ZC3H12B: variants seen among roughly 807,000 people sequenced by gnomAD.
The protein encoded by ZC3H12B is zinc finger CCCH-type containing 12B, also known as probable ribonuclease ZC3H12B.
ZC3H12B carries 7 observed loss-of-function variants against 43.9 expected under a neutral mutation model. That is an observed-to-expected ratio of 0.16 (90% confidence interval 0.09 to 0.30). The LOEUF (loss-of-function observed/expected upper bound fraction) is 0.30. ZC3H12B is among the 10% of genes least tolerant of loss of function. The probability of loss-of-function intolerance (pLI) is 1.00; values close to 1 mark genes in which losing one functional copy is unlikely to be tolerated. For missense variants in ZC3H12B, 475 were observed against 670.2 expected, an observed-to-expected ratio of 0.71 and a Z score of 3.22; for synonymous variants, 222 against 241.7, an observed-to-expected ratio of 0.92 and a Z score of 0.76.
the ZC3H12B span, among the ~76,000 whole-genome samples, chrX:65,211,310 C>A: frequency 3.7e-5 from 4 of 108,300 alleles, no homozygotes; most frequent in Admixed American, 1.0e-4. Flanking sequence ...TTCTTGTAAC[C>A]AAAAACCACC....
the ZC3H12B span, among the ~76,000 whole-genome samples, chrX:65,108,358 A>G: frequency 1.8e-5 from 2 of 111,504 alleles, no homozygotes; most frequent in Non-Finnish European, 3.8e-5. Context: ...TAGCTATACA[A>G]TATATATTCT....
chrX:65,276,179 G>A, the ZC3H12B span, among the ~76,000 whole-genome samples: 7 of 111,536 alleles, frequency 6.3e-5, no homozygotes, highest in Non-Finnish European at 1.3e-4. Flanking sequence ...AAAGAATTAA[G>A]AAAGCCTACA....
chrX:65,314,086 T>C, the ZC3H12B span, among the ~76,000 whole-genome samples: 17 of 111,224 alleles, frequency 1.5e-4, no homozygotes, highest in African/African-American at 5.2e-4. Flanking sequence ...CTACCTTGGA[T>C]TTTGAAAATA....
chrX:65,161,648 A>C, the ZC3H12B span, among the ~76,000 whole-genome samples: 1 of 111,234 alleles, frequency 9.0e-6, no homozygotes, highest in East Asian at 2.8e-4. Context: ...TTTTGAGTCT[A>C]TGTGTGTCTC....
chrX:65,061,393 A>C, the ZC3H12B span, among the ~76,000 whole-genome samples: 1 of 111,910 alleles, frequency 8.9e-6, no homozygotes, highest in Non-Finnish European at 1.9e-5. Context: ...TTCAACTCAA[A>C]TTTATGAGTG....
chrX:65,118,281 G>A, the ZC3H12B span, among the ~76,000 whole-genome samples: 47 of 111,154 alleles, frequency 4.2e-4, no homozygotes, highest in South Asian at 0.011. Context: ...CCTTGACATC[G>A]CACGTAAGTT....
chrX:65,200,499 C>A, the ZC3H12B span, among the ~76,000 whole-genome samples: 1 of 91,246 alleles, frequency 1.1e-5, no homozygotes, highest in Non-Finnish European at 2.1e-5. Flanking sequence ...GTGGCATCAT[C>A]TCAGCTCACT....
At chrX:65,075,742 G>A in the ZC3H12B span, among the ~76,000 whole-genome samples, 2 of 111,658 alleles carry the variant, frequency 1.8e-5, no homozygotes, top group South Asian at 7.6e-4. Flanking sequence ...ACTTTTTCAC[G>A]AGTCTCCAGA....
At chrX:65,110,365 C>T in the ZC3H12B span, among the ~76,000 whole-genome samples, 2 of 108,151 alleles carry the variant, frequency 1.8e-5, no homozygotes, top group Admixed American at 9.9e-5. Flanking sequence ...TCTGCCTAGC[C>T]CTAGATCCTA....
At chrX:65,078,678 C>T in the ZC3H12B span, among the ~76,000 whole-genome samples, 2 of 111,336 alleles carry the variant, frequency 1.8e-5, no homozygotes, top group African/African-American at 6.5e-5. Flanking sequence ...AGTGACAATA[C>T]ATGGTATGGA....
At chrX:65,262,156 T>C in the ZC3H12B span, among the ~76,000 whole-genome samples, 1 of 111,279 alleles carries the variant, frequency 9.0e-6, no homozygotes, top group African/African-American at 3.2e-5. Flanking sequence ...ATATAATCAA[T>C]TTAGTATTTT....
chrX:65,419,730 GC>G (rs1360808617), intron 3 of ZC3H12B, among the ~76,000 whole-genome samples: 20 of 110,116 alleles, frequency 1.8e-4, no homozygotes, highest in Non-Finnish European at 3.4e-4. Flanking sequence ...AGTTTTTATG[GC>G]CCTAGGATCA....
chrX:65,168,907 G>A, the ZC3H12B span, among the ~76,000 whole-genome samples: 1 of 110,895 alleles, frequency 9.0e-6, no homozygotes, highest in Non-Finnish European at 1.9e-5. Flanking sequence ...ATTTTTTATT[G>A]CATCTATTTG....
chrX:65,278,700 A>G, the ZC3H12B span, among the ~76,000 whole-genome samples: 4 of 111,271 alleles, frequency 3.6e-5, no homozygotes, highest in Non-Finnish European at 5.7e-5. Context: ...AGTTTGTTAC[A>G]TAGGTACACA....
At chrX:65,194,066 C>T in the ZC3H12B span, among the ~76,000 whole-genome samples, 21 of 109,272 alleles carry the variant, frequency 1.9e-4, no homozygotes, top group Admixed American at 2.9e-4. Context: ...AGCAGTGGCA[C>T]GGGGGTAATG....
At chrX:65,073,577 C>T in the ZC3H12B span, among the ~76,000 whole-genome samples, 1 of 111,926 alleles carries the variant, frequency 8.9e-6, no homozygotes, top group South Asian at 3.7e-4. Context: ...CTAAAGTTTC[C>T]TATGGAAGCA....
the ZC3H12B span, among the ~76,000 whole-genome samples, chrX:65,159,727 C>T: frequency 8.9e-6 from 1 of 111,926 alleles, no homozygotes; most frequent in Non-Finnish European, 1.9e-5. Context: ...ATTTGACTCC[C>T]TCTTTTCCTA....
chrX:65,239,799 T>C, the ZC3H12B span, among the ~76,000 whole-genome samples: 1 of 112,366 alleles, frequency 8.9e-6, no homozygotes, highest in Non-Finnish European at 1.9e-5. Flanking sequence ...CATTTGCTTG[T>C]CTTCAAGGGA....
At chrX:65,262,968 A>G in the ZC3H12B span, among the ~76,000 whole-genome samples, 1 of 109,929 alleles carries the variant, frequency 9.1e-6, no homozygotes, top group Non-Finnish European at 1.9e-5. Context: ...AAAATATTAC[A>G]TAGTGGTTGA....
Sources: gnomAD v4.1 joint callset for allele counts (sites outside exome capture counted in the v4.1 genomes callset) on GRCh38, gnomAD v4.1.1 for gene constraint, MANE v1.5 for transcripts, NCBI Gene and HGNC (gene_info 2026-07-23, HGNC 2026-07-21) for gene names.